The following YBX1 variants were observed in gnomAD, a reference collection of about 807,000 sequenced individuals.
YBX1 encodes the protein Y-box binding protein 1.
In YBX1, 3 loss-of-function variants were observed where a neutral mutation model predicts 41.4. That is an observed-to-expected ratio of 0.07 (90% CI 0.03 to 0.19). The LOEUF is 0.19. Ranked by LOEUF, YBX1 falls within the 10% of genes least tolerant of loss-of-function variation. The pLI, the probability that YBX1 is intolerant of heterozygous loss-of-function variation, is 1.00. For missense variants in YBX1, 274 were observed against 462.8 expected (o/e 0.59, Z 3.74); for synonymous variants, 133 against 165.8 (o/e 0.80, Z 1.52).
At chr1:42,685,626 A>G (rs371966285) in intron 2 of YBX1, among the ~76,000 whole-genome samples, 6 of 152,228 alleles carry the variant, frequency 3.9e-5, no homozygotes, top group East Asian at 3.8e-4. Flanking sequence ...AGACTGACAC[A>G]TAACGTGCTG....
chr1:42,688,571 G>A (rs771705567), intron 2 of YBX1, among the ~76,000 whole-genome samples: 2 of 152,132 alleles, frequency 1.3e-5, no homozygotes, highest in Non-Finnish European at 2.9e-5. Context: ...GCCATGTGAC[G>A]CTAATCATCT....
chr1:42,697,283 T>C (rs1441318339), intron 6 of YBX1, 21 bp downstream of exon 6: 1 of 1,608,002 alleles, frequency 6.2e-7, no homozygotes, highest in South Asian at 1.1e-5. Flanking sequence ...CGTAAACATG[T>C]TTCTATTAAA....
In YBX1 at chr1:42,682,460, C is replaced by G. The variant is rs939149437; in HGVS notation, c.-106C>G. The G allele has an allele frequency of 8.0e-7, 1 of 1,250,974 alleles. No homozygotes were observed. Among genetic ancestry groups the G allele is most frequent in the Non-Finnish European group, 1.0e-6 (1 of 979,236 alleles). The allele number at this position is 1,250,974 out of a possible 1,614,324, so 77.5% of individuals were successfully genotyped here. ...CGGTAGCGGGAGCGGAGAGCGGACCCCAGAGAGCCCTGAGCAGCCCCACCG... is the reference window on the plus strand; with the variant it reads ...CGGTAGCGGGAGCGGAGAGCGGACCGCAGAGAGCCCTGAGCAGCCCCACCG... On this transcript the variant is annotated 5_prime_UTR_variant, in exon 1 of 8. Transcript: ENST00000321358.
In YBX1 at chr1:42,702,687, C is replaced by T. The variant is rs949408566; in HGVS notation, c.*738C>T. 3.3e-5 allele frequency among the ~76,000 whole-genome samples: 5 copies of T among 152,158 alleles called. No homozygotes were observed. The highest frequency in any genetic ancestry group is 6.5e-5 in the Admixed American group (1 of 15,272). ...AGACCGACCAGACTCTCATCCTGCT[C>T]CACTTAGTTTTGTCACCTTGGGAGA... is the stretch of plus-strand genomic sequence containing the variant. On this transcript the variant is annotated 3_prime_UTR_variant, in exon 8 of 8. Coordinates refer to ENST00000321358, the MANE Select transcript of YBX1 (RefSeq NM_004559.5).
intron 5 of YBX1, 74 bp from the exon 6 acceptor site, chr1:42,697,106 T>A: frequency 6.5e-7 from 1 of 1,543,330 alleles, no homozygotes; most frequent in South Asian, 1.2e-5. Flanking sequence ...GTTTTTTAAC[T>A]CTTGGATTTA....
rs754767249 is a variant in YBX1 at position 42,683,295 on chromosome 1, C to T, written c.167-108C>T. The T allele has an allele frequency of 6.1e-5, 80 of 1,318,242 alleles. 1 individual carries two copies. Among genetic ancestry groups the T allele is most frequent in the Non-Finnish European group, 8.2e-5 (75 of 913,972 alleles). The allele number at this position is 1,318,242 out of a possible 1,614,324, so 81.7% of individuals were successfully genotyped here. ...CCGGGCGGTGGAGAGAAAGGGCTGT[C>T]AGGTGGCCGCGGCGGCCGGCGTGCG... On this transcript the variant is annotated intron_variant, in intron 1 of 7. Coordinates refer to ENST00000321358, the MANE Select transcript of YBX1 (RefSeq NM_004559.5).
chr1:42,683,171 A>G (rs1166611180), intron 1 of YBX1: 2 of 658,516 alleles, frequency 3.0e-6, no homozygotes, highest in Admixed American at 4.4e-5. Flanking sequence ...CTGCGCACAC[A>G]CCCATCCTGG....
chr1:42,703,729 C>T lies in YBX1; in HGVS notation c.*1780C>T, dbSNP rs1406506472. On this transcript the variant is annotated 3_prime_UTR_variant, in exon 8 of 8. Coordinates refer to ENST00000321358, the MANE Select transcript of YBX1 (RefSeq NM_004559.5). ...AATCAACATTGTTTTCATGGCATCA[C>T]AGAGTTGAAAAATCATAAATGAAAC... is the stretch of plus-strand genomic sequence containing the variant. 6.6e-6 allele frequency among the ~76,000 whole-genome samples: 1 copy of T among 152,132 alleles called. No individual in the cohort carries two copies. Among genetic ancestry groups the T allele is most frequent in the African/African-American group, 2.4e-5 (1 of 41,436 alleles).
At chr1:42,684,279 G>A (rs1405260553) in intron 2 of YBX1, among the ~76,000 whole-genome samples, 4 of 152,218 alleles carry the variant, frequency 2.6e-5, no homozygotes, top group African/African-American at 4.8e-5. Context: ...TGCAGTAGAC[G>A]CACTGTATTC....
intron 2 of YBX1, among the ~76,000 whole-genome samples, chr1:42,693,015 AC>A (rs1290931578): frequency 6.6e-6 from 1 of 151,546 alleles, no homozygotes; most frequent in Non-Finnish European, 1.5e-5. Flanking sequence ...ATTAGGTTTC[AC>A]TCTTTGCGTT....
intron 2 of YBX1, 116 bp from the exon 3 acceptor site, chr1:42,693,374 T>A: frequency 1.6e-6 from 2 of 1,218,540 alleles, no homozygotes; most frequent in Non-Finnish European, 2.4e-6. Context: ...TTTTTTGATT[T>A]TTGCCAAATT....
In YBX1 at chr1:42,702,968, T is replaced by C. The variant is rs1454519259; in HGVS notation, c.*1019T>C. ...TTTGAGACGGAGTCTTGTTCTGTCA[T>C]CAGGCTGGAGTACAGTGGCACAATC... On this transcript the variant is annotated 3_prime_UTR_variant, in exon 8 of 8. Transcript: ENST00000321358. 2.0e-5 allele frequency among the ~76,000 whole-genome samples: 3 copies of C among 152,186 alleles called. No individual in the cohort carries two copies.
chr1:42,695,460 C>T (rs1056901200), intron 3 of YBX1, among the ~76,000 whole-genome samples: 2 of 152,168 alleles, frequency 1.3e-5, no homozygotes, highest in Non-Finnish European at 2.9e-5. Context: ...TTTCACATGT[C>T]CTGTCTCATA....
rs768083037 is a variant in YBX1 at position 42,701,191 on chromosome 1, AC to A, written c.*31+147del. 911 of 664,982 alleles carry A rather than the reference AC, an allele frequency of 1.4e-3. 3 individuals carry two copies. The highest frequency in any genetic ancestry group is 1.9e-3 in the Non-Finnish European group (732 of 390,282). The allele number at this position is 664,982 out of a possible 1,614,324, so 41.2% of individuals were successfully genotyped here. ...AATGTGTTCTGCCCTATTCTTAATT[AC>A]CTAATATTTCATTTTAGGAATATTG... On this transcript the variant is annotated intron_variant, in intron 7 of 7. Transcript: ENST00000321358.
At position 42,703,074 on chromosome 1, in the gene YBX1, TGCC is replaced by T. The variant is rs1650645211; in HGVS notation, c.*1126_*1128del. On this transcript the variant is annotated 3_prime_UTR_variant, in exon 8 of 8. Transcript: ENST00000321358. Reference sequence around the variant, plus strand: ...CTTAGTAGCTGGGAGTACAGGTGCGTGCCACCACACCCAGCTAATTTTTGTATT... The same window carrying T: ...CTTAGTAGCTGGGAGTACAGGTGCGTACCACACCCAGCTAATTTTTGTATT... 6.6e-6 allele frequency among the ~76,000 whole-genome samples: 1 copy of T among 152,032 alleles called. No homozygotes were observed. The highest frequency in any genetic ancestry group is 1.5e-5 in the Non-Finnish European group (1 of 68,004).
chr1:42,693,424 A>AG, intron 2 of YBX1, 66 bp from the exon 3 acceptor site: 1 of 1,597,450 alleles, frequency 6.3e-7, no homozygotes, highest in Non-Finnish European at 8.6e-7. Context: ...CTCTGGGAAA[A>AG]TTAATCTTTG....
At chr1:42,683,237 T>TGCG (rs760257968) in intron 1 of YBX1, 166 bp from the exon 2 acceptor site, 43 of 789,524 alleles carry the variant, frequency 5.4e-5, no homozygotes, top group Middle Eastern at 2.2e-4. Flanking sequence ...CACCCACGTG[T>TGCG]GCGGCGGCGG....
At chr1:42,690,907 C>T (rs182597035) in intron 2 of YBX1, among the ~76,000 whole-genome samples, 249 of 152,228 alleles carry the variant, frequency 1.6e-3, no homozygotes, top group Middle Eastern at 3.4e-3. Flanking sequence ...CATTCACTGC[C>T]GGAAAAGGGT....
intron 1 of YBX1, chr1:42,683,180 G>A (rs1650096584): frequency 3.0e-6 from 2 of 662,530 alleles, no homozygotes; most frequent in Non-Finnish European, 2.7e-6. Flanking sequence ...CACCCATCCT[G>A]GGGCCCGCGC....
Sources: allele counts gnomAD v4.1 joint callset (sites outside exome capture counted in the v4.1 genomes callset), GRCh38; gene constraint gnomAD v4.1.1; transcripts MANE v1.5; gene names NCBI Gene and HGNC (gene_info 2026-07-23, HGNC 2026-07-21).